The following KIF5C variants were observed in gnomAD, a reference collection of about 807,000 sequenced individuals.
KIF5C encodes kinesin heavy chain isoform 5C.
Under a neutral mutation model 125.2 loss-of-function variants are expected in KIF5C, and 18 were observed. That is an observed-to-expected ratio of 0.14 (90% CI 0.10 to 0.21). The LOEUF is 0.21. Ranked by LOEUF, KIF5C falls within the 10% of genes least tolerant of loss-of-function variation. The pLI is 1.00. For missense variants in KIF5C, 780 were observed against 1,183.8 expected, an observed-to-expected ratio of 0.66 and a Z score of 5.01; for synonymous variants, 405 against 434.0, an observed-to-expected ratio of 0.93 and a Z score of 0.83.
intron 1 of KIF5C, among the ~76,000 whole-genome samples, chr2:148,889,256 AGAGCAATG>A (rs1274439190): frequency 6.6e-6 from 1 of 152,196 alleles, no homozygotes; most frequent in Non-Finnish European, 1.5e-5. Context: ...AAATATTTGG[AGAGCAATG>A]GTCTGGGATT....
Position 148,875,430 on chromosome 2 carries a change from A to G in KIF5C, c.-188A>G. On this transcript the variant is annotated 5_prime_UTR_variant, in exon 1 of 26. Coordinates refer to ENST00000435030, the MANE Select transcript of KIF5C (RefSeq NM_004522.3). ...AGGGGCCGGAGCGGAGAAGCTGCCC[A>G]CCTTCCCGGGCTCGGAGCGGCCGGG... is the stretch of plus-strand genomic sequence containing the variant. 1.8e-6 allele frequency: 1 copy of G among 553,972 alleles called. No homozygotes were observed. Among genetic ancestry groups the G allele is most frequent in the Non-Finnish European group, 3.2e-6 (1 of 316,690 alleles). 34.3% of individuals were successfully genotyped at this position (553,972 alleles called of 1,614,324 possible). A position where few individuals can be genotyped will look rare whatever the true frequency, so the allele number is the denominator to read the frequency against.
At chr2:148,943,304 C>A (rs988370467) in intron 7 of KIF5C, among the ~76,000 whole-genome samples, 1 of 152,136 alleles carries the variant, frequency 6.6e-6, no homozygotes, top group African/African-American at 2.4e-5. Context: ...CAGATCGGCT[C>A]ATTGGCTCTG....
intron 1 of KIF5C, among the ~76,000 whole-genome samples, chr2:148,891,227 C>T (rs1681700230): frequency 6.6e-6 from 1 of 152,058 alleles, no homozygotes; most frequent in East Asian, 1.9e-4. Flanking sequence ...TTAATATTGG[C>T]AAAATTCCTT....
At chr2:148,897,969 T>G (rs1680735046) in intron 1 of KIF5C, among the ~76,000 whole-genome samples, 1 of 123,926 alleles carries the variant, frequency 8.1e-6, no homozygotes, top group Admixed American at 9.5e-5. Flanking sequence ...TCATCCTGTG[T>G]GCTCCAGGGA....
chr2:148,976,519 C>G (rs181842100), intron 12 of KIF5C, among the ~76,000 whole-genome samples: 1 of 151,900 alleles, frequency 6.6e-6, no homozygotes, highest in East Asian at 1.9e-4. Flanking sequence ...CCACCTGCCT[C>G]GGCCTCCCAA....
intron 3 of KIF5C, among the ~76,000 whole-genome samples, chr2:148,934,191 C>T (rs1296618334): frequency 1.3e-5 from 2 of 150,756 alleles, no homozygotes; most frequent in Non-Finnish European, 3.0e-5. Context: ...ACAGACACAC[C>T]ACACATCACA....
chr2:149,012,142 G>A (rs2105203205), intron 25 of KIF5C, among the ~76,000 whole-genome samples: 1 of 152,346 alleles, frequency 6.6e-6, no homozygotes, highest in Non-Finnish European at 1.5e-5. Context: ...AACTCAACAA[G>A]TGGGGATTTT....
At chr2:148,912,697 C>T (rs764465900) in intron 1 of KIF5C, among the ~76,000 whole-genome samples, 31 of 152,254 alleles carry the variant, frequency 2.0e-4, no homozygotes, top group Non-Finnish European at 3.8e-4. Flanking sequence ...GATCTTCCCA[C>T]TACGGGCTCC....
intron 21 of KIF5C, among the ~76,000 whole-genome samples, chr2:149,002,378 C>G (rs1166506348): frequency 6.6e-6 from 1 of 152,196 alleles, no homozygotes; most frequent in Non-Finnish European, 1.5e-5. Context: ...CACCGGGGCT[C>G]ACAAGTCCCT....
At chr2:148,902,730 T>C (rs2105058173) in intron 1 of KIF5C, among the ~76,000 whole-genome samples, 1 of 152,346 alleles carries the variant, frequency 6.6e-6, no homozygotes, top group East Asian at 1.9e-4. Flanking sequence ...GAATATTTTG[T>C]AGTGCTCGTG....
In KIF5C at chr2:148,875,475, T is replaced by C. The variant is rs894591590; in HGVS notation, c.-143T>C. ...GCCGGGGCTGCTCAGCCGGCCGGGC[T>C]CGCGATGACCTGCTGAGAAGCGTCG... On this transcript the variant is annotated 5_prime_UTR_variant, in exon 1 of 26. Transcript: ENST00000435030. 4.3e-5 allele frequency: 29 copies of C among 668,958 alleles called. No individual in the cohort carries two copies. In the African/African-American group the frequency reaches 4.5e-4, roughly 10 times the overall value. The allele number at this position is 668,958 out of a possible 1,614,324, so 41.4% of individuals were successfully genotyped here.
At chr2:148,885,624 C>A (rs1222632054) in intron 1 of KIF5C, 2 of 152,136 alleles carry the variant, frequency 1.3e-5, no homozygotes, top group African/African-American at 2.4e-5. Flanking sequence ...TATGTGAGAG[C>A]AGAATTCAGC....
chr2:148,875,440 G>T lies in KIF5C; in HGVS notation c.-178G>T. ...GCGGAGAAGCTGCCCACCTTCCCGG[G>T]CTCGGAGCGGCCGGGGCTGCTCAGC... On this transcript the variant is annotated 5_prime_UTR_variant, in exon 1 of 26. Coordinates refer to ENST00000435030, the MANE Select transcript of KIF5C (RefSeq NM_004522.3). 1.8e-6 allele frequency: 1 copy of T among 563,222 alleles called. No homozygotes were observed. The highest frequency in any genetic ancestry group is 3.1e-6 in the Non-Finnish European group (1 of 322,746). 34.9% of individuals were successfully genotyped at this position (563,222 alleles called of 1,614,324 possible). A position where few individuals can be genotyped will look rare whatever the true frequency, so the allele number is the denominator to read the frequency against.
intron 10 of KIF5C, among the ~76,000 whole-genome samples, chr2:148,956,239 T>G (rs1355820747): frequency 1.4e-5 from 2 of 147,188 alleles, no homozygotes; most frequent in Admixed American, 1.3e-4. Flanking sequence ...AAGCTGGCCA[T>G]GTGCTTCTGA....
At chr2:148,947,221 C>T (rs901459943) in intron 8 of KIF5C, 198 bp downstream of exon 8, 4 of 752,790 alleles carry the variant, frequency 5.3e-6, no homozygotes, top group Non-Finnish European at 8.0e-6. Flanking sequence ...ATTGGTGTCA[C>T]AGGCAGGTGC....
intron 17 of KIF5C, among the ~76,000 whole-genome samples, chr2:148,996,637 C>T (rs73009565): frequency 0.017 from 2,637 of 152,284 alleles, 77 homozygotes; most frequent in African/African-American, 0.059. Flanking sequence ...GGAGCACCAT[C>T]GACCAAGCAT....
intron 25 of KIF5C, chr2:149,020,211 G>C: frequency 6.6e-6 from 1 of 152,174 alleles, no homozygotes; most frequent in East Asian, 1.9e-4. Flanking sequence ...GGATGGATGA[G>C]AGCATCCTGC....
chr2:148,960,163 C>T (rs1682892158), intron 10 of KIF5C, among the ~76,000 whole-genome samples: 2 of 152,218 alleles, frequency 1.3e-5, no homozygotes, highest in South Asian at 2.1e-4. Context: ...GGACCAGTTA[C>T]ACCAATGGTG....
chr2:149,014,109 C>T (rs1469376091), intron 25 of KIF5C, among the ~76,000 whole-genome samples: 1 of 152,188 alleles, frequency 6.6e-6, no homozygotes, highest in Admixed American at 6.5e-5. Flanking sequence ...ACTGCATCCT[C>T]TGCCTCCTGG....
Sources: gnomAD v4.1 joint callset for allele counts (sites outside exome capture counted in the v4.1 genomes callset) on GRCh38, gnomAD v4.1.1 for gene constraint, MANE v1.5 for transcripts, NCBI Gene and HGNC (gene_info 2026-07-23, HGNC 2026-07-21) for gene names.